The following DHRS12 variants were observed in gnomAD, a reference collection of about 807,000 sequenced individuals.
The protein encoded by DHRS12 is dehydrogenase/reductase SDR family member 12.
In DHRS12, 29 loss-of-function variants were observed where a neutral mutation model predicts 32.1. That is an observed-to-expected ratio of 0.90 (90% confidence interval 0.67 to 1.23). DHRS12 has a LOEUF of 1.23. Ranked by LOEUF, DHRS12 falls within the 50% of genes most tolerant of loss-of-function variation. DHRS12 has a pLI of 0.00. For synonymous variants in DHRS12, 150 were observed against 135.9 expected, an observed-to-expected ratio of 1.10 and a Z score of -0.72; for missense variants, 330 against 337.2, an observed-to-expected ratio of 0.98 and a Z score of 0.17.
At chr13:51,774,190 GTACATGTATTCTCC>G in intron 5 of DHRS12, 156 bp from the exon 6 acceptor site, 68 of 614,208 alleles carry the variant, frequency 1.1e-4, no homozygotes, top group Middle Eastern at 5.7e-4. Flanking sequence ...TTCTCCTACA[GTACATGTATTCTCC>G]TACATGTATT....
the DHRS12 span, among the ~76,000 whole-genome samples, chr13:51,759,178 C>T: frequency 6.6e-6 from 1 of 152,160 alleles, no homozygotes; most frequent in East Asian, 1.9e-4. Context: ...AAGACCCTGT[C>T]TCAAAATAAT....
Position 51,768,270 on chromosome 13 carries a change from G to GC in DHRS12, c.723dup (p.Pro242AlafsTer17). On this transcript the variant is annotated frameshift_variant, in exon 9 of 9. Coordinates refer to ENST00000444610, the MANE Select transcript of DHRS12 (RefSeq NM_001377533.1). LOFTEE classifies it low-confidence loss of function (END_TRUNC). ...GGTGAGGAGGACGCTGTAGCGAGAG[G>GC]CAAGTGTGTAGAAACTGGCTTCCGA... is the stretch of plus-strand genomic sequence containing the variant. 3 of 1,536,102 alleles carry GC rather than the reference G, an allele frequency of 2.0e-6. No homozygotes were observed. The South Asian group carries it at 3.6e-5, about 18-fold the overall frequency.
chr13:51,796,891 G>T (rs973730301), intron 2 of DHRS12, among the ~76,000 whole-genome samples: 4 of 152,226 alleles, frequency 2.6e-5, no homozygotes, highest in Non-Finnish European at 2.9e-5. Context: ...AAAGGGAAAG[G>T]AACAGACACT....
At chr13:51,756,245 A>G in the DHRS12 span, 2 of 1,523,782 alleles carry the variant, frequency 1.3e-6, no homozygotes, top group African/African-American at 2.8e-5. Context: ...GCAGTTGATT[A>G]CACCTCTCTG....
intron 6 of DHRS12, 45 bp from the exon 7 acceptor site, chr13:51,771,956 C>T (rs530816492): frequency 1.3e-6 from 2 of 1,595,164 alleles, no homozygotes; most frequent in Non-Finnish European, 8.6e-7. Flanking sequence ...GAGGAGGCGC[C>T]ATTAGGTGCA....
intron 2 of DHRS12, among the ~76,000 whole-genome samples, chr13:51,793,097 C>A (rs1373208584): frequency 6.6e-6 from 1 of 152,178 alleles, no homozygotes; most frequent in Admixed American, 6.5e-5. Context: ...AGGCTTAGAA[C>A]TCCATGAGTA....
At chr13:51,793,076 A>T (rs922252101) in intron 2 of DHRS12, among the ~76,000 whole-genome samples, 19 of 151,682 alleles carry the variant, frequency 1.3e-4, no homozygotes, top group African/African-American at 4.4e-4. Flanking sequence ...GGACACAGCC[A>T]CCTCCCCAGC....
At chr13:51,756,248 CCT>C in the DHRS12 span, 2 of 1,532,658 alleles carry the variant, frequency 1.3e-6, no homozygotes, top group Non-Finnish European at 1.8e-6. Context: ...GTTGATTACA[CCT>C]CTCTGCCAGG....
At chr13:51,756,657 ACACT>A in the DHRS12 span, 1 of 984,722 alleles carries the variant, frequency 1.0e-6, no homozygotes, top group Middle Eastern at 5.2e-4. Flanking sequence ...AAGAGAAAAT[ACACT>A]CAAAGAATTC....
At chr13:51,760,841 G>T in the DHRS12 span, 1 of 152,362 alleles carries the variant, frequency 6.6e-6, no homozygotes, top group Non-Finnish European at 1.5e-5. Flanking sequence ...GGGAGGCGGA[G>T]CCCAGGCAGT....
chr13:51,771,211 G>C (rs1013995893), intron 7 of DHRS12: 1 of 1,551,508 alleles, frequency 6.4e-7, no homozygotes, highest in African/African-American at 1.4e-5. Flanking sequence ...GGTGCACCCT[G>C]GGGTGTGTGC....
rs144077287 is a variant in DHRS12 at position 51,771,194 on chromosome 13, C to T, written c.559+627G>A. 5.2e-4 allele frequency: 808 copies of T among 1,549,340 alleles called. 5 individuals carry two copies. In the African/African-American group the frequency reaches 9.4e-3, roughly 18 times the overall value. The stretch of plus-strand genomic sequence containing the variant: ...AGACAGCGCTGAGACCAGTTCTTGG[C>T]GCCGCGGGTGCACCCTGGGGTGTGT... On this transcript the variant is annotated intron_variant, in intron 7 of 8. Transcript: ENST00000444610.
At chr13:51,763,393 A>C (rs983935298), downstream of DHRS12, 2 of 152,238 alleles carry the variant, frequency 1.3e-5, no homozygotes, top group African/African-American at 4.8e-5. Context: ...GGCAAAACTG[A>C]AATGGAAATC....
intron 6 of DHRS12, chr13:51,773,160 GC>G: frequency 2.5e-6 from 2 of 789,416 alleles, no homozygotes; most frequent in Non-Finnish European, 3.1e-6. Flanking sequence ...AAATGCTGAG[GC>G]CCAGAAGTGT....
intron 4 of DHRS12, 41 bp downstream of exon 4, chr13:51,789,970 T>C (rs1955189666): frequency 6.4e-7 from 1 of 1,563,824 alleles, no homozygotes; most frequent in Non-Finnish European, 8.6e-7. Flanking sequence ...CATTCTATGT[T>C]TATTTTGCTA....
intron 4 of DHRS12, among the ~76,000 whole-genome samples, chr13:51,783,425 T>C (rs2139151427): frequency 6.6e-6 from 1 of 152,322 alleles, no homozygotes; most frequent in African/African-American, 2.4e-5. Context: ...ATGCCAGACA[T>C]TGAGCTGAAA....
chr13:51,759,917 G>T, the DHRS12 span: 6 of 772,964 alleles, frequency 7.8e-6, no homozygotes, highest in Non-Finnish European at 1.3e-5. Context: ...CATGTGCACA[G>T]TGGGGACCTG....
intron 4 of DHRS12, among the ~76,000 whole-genome samples, chr13:51,784,549 TA>T (rs1171579846): frequency 6.6e-6 from 1 of 152,200 alleles, no homozygotes; most frequent in Non-Finnish European, 1.5e-5. Flanking sequence ...ATCTGGATGT[TA>T]AAACAACATT....
chr13:51,766,797 G>A (rs943018439), downstream of DHRS12: 8 of 152,248 alleles, frequency 5.3e-5, no homozygotes, highest in African/African-American at 1.9e-4. Context: ...AAACCTTTCT[G>A]CAGCTATGGT....
Sources: allele counts gnomAD v4.1 joint callset (sites outside exome capture counted in the v4.1 genomes callset), GRCh38; gene constraint gnomAD v4.1.1; transcripts MANE v1.5; gene names NCBI Gene and HGNC (gene_info 2026-07-23, HGNC 2026-07-21).